ZC4H2: variants seen among roughly 807,000 people sequenced by gnomAD.
ZC4H2 encodes zinc finger C4H2 domain-containing protein.
For missense variants in ZC4H2, 137 were observed against 173.9 expected (o/e 0.79, Z 1.19); for synonymous variants, 84 against 66.3 (o/e 1.27, Z -1.30).
chrX:64,917,426 C>T lies in ZC4H2; in HGVS notation c.*357G>A, dbSNP rs1028721050. 1 of 152,360 alleles carries T rather than the reference C, an allele frequency of 6.6e-6. No homozygotes were observed. The highest frequency in any genetic ancestry group is 1.7e-4 in the East Asian group (1 of 5,735). The allele number at this position is 152,360 out of a possible 1,213,427, so 12.6% of individuals were successfully genotyped here. A position where few individuals can be genotyped will look rare whatever the true frequency, so the allele number is the denominator to read the frequency against. On this transcript the variant is annotated 3_prime_UTR_variant, in exon 5 of 5. Coordinates refer to ENST00000374839, the MANE Select transcript of ZC4H2 (RefSeq NM_018684.4). ...TACCTGAAACAAGATATGGGCCTCC[C>T]CTGCCCCTCAGACCCTACAGCTCCT...
chrX:64,932,635 G>A (rs1049523541), intron 1 of ZC4H2, among the ~76,000 whole-genome samples: 1 of 111,502 alleles, frequency 9.0e-6, no homozygotes, highest in Non-Finnish European at 1.9e-5. Flanking sequence ...AGTTTTGCTA[G>A]ATAGAAAATT....
chrX:64,987,171 G>A (rs907549440), intron 1 of ZC4H2, among the ~76,000 whole-genome samples: 3 of 109,876 alleles, frequency 2.7e-5, no homozygotes, highest in Non-Finnish European at 3.8e-5. Flanking sequence ...CTTGTGATCC[G>A]CCCGTCTCAG....
chrX:65,017,182 G>A (rs1032364078), intron 1 of ZC4H2, among the ~76,000 whole-genome samples: 5 of 111,813 alleles, frequency 4.5e-5, no homozygotes, highest in African/African-American at 1.6e-4. Context: ...CAAGATGATG[G>A]TCAGCCATAA....
chrX:64,927,646 C>A (rs1195626519), intron 1 of ZC4H2, among the ~76,000 whole-genome samples: 2 of 111,941 alleles, frequency 1.8e-5, no homozygotes, highest in Non-Finnish European at 3.8e-5. Context: ...GGTATATATC[C>A]AGTAATGGAA....
intron 1 of ZC4H2, among the ~76,000 whole-genome samples, chrX:64,928,892 CTT>C (rs554811111): frequency 2.3e-4 from 21 of 91,602 alleles, no homozygotes; most frequent in East Asian, 3.3e-4. Context: ...CTTTCTCCTT[CTT>C]TTTTTTTTTT....
intron 1 of ZC4H2, among the ~76,000 whole-genome samples, chrX:64,947,007 T>C (rs960036560): frequency 1.8e-5 from 2 of 111,835 alleles, no homozygotes; most frequent in Non-Finnish European, 3.8e-5. Flanking sequence ...CATTACTGCT[T>C]TTACTGCATC....
intron 1 of ZC4H2, among the ~76,000 whole-genome samples, chrX:64,941,716 A>T (rs1302121942): frequency 8.9e-6 from 1 of 112,231 alleles, no homozygotes; most frequent in African/African-American, 3.2e-5. Flanking sequence ...CATATGTTGA[A>T]CTAGCCTTGC....
intron 1 of ZC4H2, among the ~76,000 whole-genome samples, chrX:64,993,741 G>C (rs1932355485): frequency 8.9e-6 from 1 of 111,789 alleles, no homozygotes; most frequent in Non-Finnish European, 1.9e-5. Context: ...TACTCCCCAA[G>C]AGCACCCCCT....
At chrX:65,011,475 A>G (rs1052881836) in intron 1 of ZC4H2, among the ~76,000 whole-genome samples, 1 of 111,464 alleles carries the variant, frequency 9.0e-6, no homozygotes, top group East Asian at 2.8e-4. Context: ...CAATATTTGT[A>G]TAACGTATGG....
chrX:64,982,773 C>A (rs918301509), intron 1 of ZC4H2, among the ~76,000 whole-genome samples: 1 of 111,327 alleles, frequency 9.0e-6, no homozygotes, highest in Admixed American at 9.6e-5. Flanking sequence ...AAATAAGCAA[C>A]CACAAGGAAA....
intron 1 of ZC4H2, among the ~76,000 whole-genome samples, chrX:65,012,224 C>CAAAAAAAAAAA (rs10606871): frequency 4.7e-4 from 12 of 25,325 alleles, no homozygotes; most frequent in East Asian, 1.3e-3. Flanking sequence ...GACCCCGTCT[C>CAAAAAAAAAAA]AAAAAAAAAA....
chrX:64,950,248 T>A (rs1373035321), intron 1 of ZC4H2, among the ~76,000 whole-genome samples: 2 of 111,702 alleles, frequency 1.8e-5, no homozygotes, highest in African/African-American at 6.5e-5. Flanking sequence ...TACATTTGTG[T>A]AGGACTGCTT....
At chrX:65,016,547 G>A (rs150192797) in intron 1 of ZC4H2, among the ~76,000 whole-genome samples, 2,062 of 111,912 alleles carry the variant, frequency 0.018, 21 homozygotes, top group Non-Finnish European at 0.031. Context: ...AATCCCATAA[G>A]TACCTGCTAG....
intron 1 of ZC4H2, among the ~76,000 whole-genome samples, chrX:64,928,174 GT>G (rs1027257072): frequency 9.8e-5 from 11 of 111,976 alleles, no homozygotes; most frequent in Non-Finnish European, 1.7e-4. Context: ...TTCTTTTGGT[GT>G]TTTAGTCATG....
chrX:65,031,407 G>A, intron 1 of ZC4H2, among the ~76,000 whole-genome samples: 1 of 111,046 alleles, frequency 9.0e-6, no homozygotes, highest in East Asian at 2.8e-4. Context: ...CTTCTTCTAT[G>A]ACTTTATTTA....
At chrX:65,023,421 CCTTGT>C (rs755623511) in intron 1 of ZC4H2, among the ~76,000 whole-genome samples, 6 of 111,808 alleles carry the variant, frequency 5.4e-5, no homozygotes, top group Non-Finnish European at 1.1e-4. Flanking sequence ...GCAAGGGCAT[CCTTGT>C]CTTGTGCCAG....
At chrX:64,955,204 T>C (rs1352880490) in intron 1 of ZC4H2, among the ~76,000 whole-genome samples, 2 of 112,083 alleles carry the variant, frequency 1.8e-5, no homozygotes, top group African/African-American at 3.2e-5. Context: ...AACCTTCAGG[T>C]GCATTTGGTT....
chrX:64,955,411 C>A (rs1021880258), intron 1 of ZC4H2, among the ~76,000 whole-genome samples: 13 of 111,556 alleles, frequency 1.2e-4, no homozygotes, highest in Admixed American at 3.8e-4. Flanking sequence ...AACCCCTTCA[C>A]AATCTAGAAC....
chrX:64,995,214 C>T (rs1004213059), intron 1 of ZC4H2, among the ~76,000 whole-genome samples: 5 of 110,565 alleles, frequency 4.5e-5, no homozygotes, highest in Non-Finnish European at 7.6e-5. Context: ...GAAGCAGAAA[C>T]TGTCAGAATC....
Sources: gnomAD v4.1 joint callset for allele counts (sites outside exome capture counted in the v4.1 genomes callset) on GRCh38, gnomAD v4.1.1 for gene constraint, MANE v1.5 for transcripts, NCBI Gene and HGNC (gene_info 2026-07-23, HGNC 2026-07-21) for gene names.